The following TMEM106B variants were observed in gnomAD, a reference collection of about 807,000 sequenced individuals.
The protein encoded by TMEM106B is transmembrane protein 106B.
TMEM106B carries 15 observed loss-of-function variants against 31.1 expected under a neutral mutation model. The observed-to-expected ratio is 0.48, with a 90% CI of 0.32 to 0.74. The LOEUF (loss-of-function observed/expected upper bound fraction) is 0.74, where lower values mean the gene tolerates loss of function less well. Among genes scored for constraint, TMEM106B ranks in the 30% least tolerant of loss-of-function variants. The probability of loss-of-function intolerance (pLI) is 0.03; values close to 1 mark genes in which losing one functional copy is unlikely to be tolerated. For synonymous variants in TMEM106B, 126 were observed against 112.5 expected (o/e 1.12, Z -0.76); for missense variants, 283 against 327.3 (o/e 0.86, Z 1.04).
rs1480577746 is a variant in TMEM106B at position 12,231,109 on chromosome 7, T to C, written c.680T>C (p.Met227Thr). 3 of 1,599,826 alleles carry C rather than the reference T, an allele frequency of 1.9e-6. No individual in the cohort carries two copies. Among genetic ancestry groups the C allele is most frequent in the South Asian group, 1.1e-5 (1 of 89,080 alleles). Residue 227 changes from methionine (M) to threonine (T), a missense_variant, in exon 7 of 8, where the codon ATG (methionine) becomes ACG (threonine). By Grantham distance (81) the Met-to-Thr change is moderately conservative. This residue lies in a region of TMEM106B where 201 missense variants were observed against 211.5 expected (regional missense o/e 0.95). Transcript: ENST00000396668. ...ISIKVHNIVL[M>T]MQVTVTTTYF... ...ATCAAAGTGCATAACATAGTACTCA[T>C]GATGCAGTAAGTACAAATCTTTTTT...
chr7:12,226,908 C>CT (rs962574573), intron 4 of TMEM106B, among the ~76,000 whole-genome samples: 30 of 133,738 alleles, frequency 2.2e-4, no homozygotes, highest in African/African-American at 7.0e-4. Context: ...AACATATTTT[C>CT]TTTTTTATAC....
chr7:12,229,884 C>G lies in TMEM106B; in HGVS notation c.582+65C>G, dbSNP rs1781981859. The G allele has an allele frequency of 4.0e-6, 6 of 1,493,366 alleles. No individual in the cohort carries two copies. In the South Asian group the frequency reaches 6.6e-5, roughly 16 times the overall value. The allele number at this position is 1,493,366 out of a possible 1,614,324, so 92.5% of individuals were successfully genotyped here. On this transcript the variant is annotated intron_variant, in intron 5 of 7. Transcript: ENST00000396668. Reference sequence around the variant, plus strand: ...AATGTCAGCTTTGTATATCATATAACTTGAAGGAGGTGGGGGATTTCCTCA... The same window carrying G: ...AATGTCAGCTTTGTATATCATATAAGTTGAAGGAGGTGGGGGATTTCCTCA...
intron 4 of TMEM106B, 67 bp downstream of exon 4, chr7:12,224,452 C>T: frequency 1.5e-6 from 2 of 1,346,516 alleles, no homozygotes; most frequent in African/African-American, 1.5e-5. Context: ...GCACCTTTGT[C>T]CCCATTGAGA....
In TMEM106B at chr7:12,241,710, A is replaced by T. The variant is rs1482236134; in HGVS notation, c.*9735A>T. Reference sequence around the variant, plus strand: ...TATTGTGAACAGTGCTGCAATAAACATATGTGTGTATGTGTCTTTACAGTA... The same window carrying T: ...TATTGTGAACAGTGCTGCAATAAACTTATGTGTGTATGTGTCTTTACAGTA... On this transcript the variant is annotated 3_prime_UTR_variant, in exon 8 of 8. Transcript: ENST00000396668. 1 of 152,230 alleles carries T rather than the reference A, an allele frequency of 6.6e-6. No homozygotes were observed. Among genetic ancestry groups the T allele is most frequent in the Non-Finnish European group, 1.5e-5 (1 of 68,054 alleles). The allele number at this position is 152,230 out of a possible 1,614,324, so 9.4% of individuals were successfully genotyped here.
intron 2 of TMEM106B, among the ~76,000 whole-genome samples, chr7:12,217,088 CTG>C (rs903769001): frequency 6.6e-6 from 1 of 151,756 alleles, no homozygotes; most frequent in Non-Finnish European, 1.5e-5. Context: ...TGAGAATTAT[CTG>C]TAGAGAAAAC....
intron 2 of TMEM106B, chr7:12,215,711 C>A (rs777939078): frequency 1.2e-5 from 3 of 244,006 alleles, no homozygotes; most frequent in South Asian, 9.4e-5. Flanking sequence ...AGCCACCACG[C>A]CTGGCCAACC....
intron 1 of TMEM106B, among the ~76,000 whole-genome samples, chr7:12,213,238 T>C (rs1007731608): frequency 1.3e-5 from 2 of 151,544 alleles, no homozygotes; most frequent in Non-Finnish European, 2.9e-5. Context: ...ATTGGTAACT[T>C]ATATTTAATA....
At chr7:12,217,104 G>A (rs1781702904) in intron 2 of TMEM106B, among the ~76,000 whole-genome samples, 1 of 152,000 alleles carries the variant, frequency 6.6e-6, no homozygotes, top group African/African-American at 2.4e-5. Context: ...AGAAAACATT[G>A]GTAATTCGGG....
intron 4 of TMEM106B, among the ~76,000 whole-genome samples, chr7:12,229,224 A>C (rs528418293): frequency 1.3e-5 from 2 of 152,150 alleles, no homozygotes; most frequent in Non-Finnish European, 2.9e-5. Flanking sequence ...TTGTTACTTA[A>C]GCATGTGAAT....
Position 12,230,416 on chromosome 7 carries a change from G to A in TMEM106B, c.610G>A (p.Ala204Thr). ...TGATTACACAGTACCTACCGTTATA[G>A]CAGAGGAAATGAGTTATATGTAGTA... ...QIDYTVPTVI[A>T]EEMSYMYDFC... Residue 204 changes from alanine to threonine, a missense_variant, in exon 6 of 8, where the codon GCA becomes ACA. Coordinates refer to ENST00000396668, the MANE Select transcript of TMEM106B (RefSeq NM_001134232.2). 1 of 1,601,754 alleles carries A rather than the reference G, an allele frequency of 6.2e-7. No individual in the cohort carries two copies. Among genetic ancestry groups the A allele is most frequent in the Non-Finnish European group, 8.5e-7 (1 of 1,172,068 alleles).
At chr7:12,222,793 T>G (rs896586542) in intron 3 of TMEM106B, among the ~76,000 whole-genome samples, 2 of 152,208 alleles carry the variant, frequency 1.3e-5, no homozygotes, top group Non-Finnish European at 2.9e-5. Context: ...TGTATTATTT[T>G]GTTTTTTAAT....
At chr7:12,221,310 G>C (rs1781783970) in intron 3 of TMEM106B, among the ~76,000 whole-genome samples, 1 of 152,158 alleles carries the variant, frequency 6.6e-6, no homozygotes, top group South Asian at 2.1e-4. Context: ...AAATGGCAAA[G>C]AGAATCACAA....
In TMEM106B at chr7:12,235,171, C is replaced by CT. The variant is rs1395801634; in HGVS notation, c.*3199dup. 1 of 152,170 alleles carries CT rather than the reference C, an allele frequency of 6.6e-6. No homozygotes were observed. The highest frequency in any genetic ancestry group is 6.6e-5 in the Admixed American group (1 of 15,220). 9.4% of individuals were successfully genotyped at this position (152,170 alleles called of 1,614,324 possible). A position where few individuals can be genotyped will look rare whatever the true frequency, so the allele number is the denominator to read the frequency against. ...CTTATAAAATGCTTTGGAACATAATCTTTAGCTTAATTTTCTGTTAAAATT... is the reference window on the plus strand; with the variant it reads ...CTTATAAAATGCTTTGGAACATAATCTTTTAGCTTAATTTTCTGTTAAAATT... On this transcript the variant is annotated 3_prime_UTR_variant, in exon 8 of 8. Transcript: ENST00000396668.
chr7:12,232,073 A>G lies in TMEM106B; in HGVS notation c.*98A>G, dbSNP rs895993877. On this transcript the variant is annotated 3_prime_UTR_variant, in exon 8 of 8. Transcript: ENST00000396668. ...CTAATAGGAGACCTTAAATTGAACA[A>G]ACCTAAAGTTTACACTTCTAAGAGT... is the stretch of plus-strand genomic sequence containing the variant. 2.5e-5 allele frequency: 30 copies of G among 1,206,052 alleles called. No homozygotes were observed. The African/African-American group carries it at 4.1e-4, about 17-fold the overall frequency. 74.7% of individuals were successfully genotyped at this position (1,206,052 alleles called of 1,614,324 possible). A position where few individuals can be genotyped will look rare whatever the true frequency, so the allele number is the denominator to read the frequency against.
chr7:12,215,524 A>G (rs1405470269), intron 2 of TMEM106B: 1 of 211,994 alleles, frequency 4.7e-6, no homozygotes, highest in East Asian at 1.4e-4. Flanking sequence ...GCAGTAAGCC[A>G]CCATGCCCAG....
At position 12,242,654 on chromosome 7, in the gene TMEM106B, A is replaced by G. The variant is rs1159128809; in HGVS notation, c.*10679A>G. ...ACTTGTGTATTTTTCAAGTTAAAGG[A>G]TTTCCTAAAAATGCTTATTTGAATA... On this transcript the variant is annotated 3_prime_UTR_variant, in exon 8 of 8. Coordinates refer to ENST00000396668, the MANE Select transcript of TMEM106B (RefSeq NM_001134232.2). 1 of 152,090 alleles carries G rather than the reference A, an allele frequency of 6.6e-6. No individual in the cohort carries two copies. Among genetic ancestry groups the G allele is most frequent in the African/African-American group, 2.4e-5 (1 of 41,438 alleles). 9.4% of individuals were successfully genotyped at this position (152,090 alleles called of 1,614,324 possible).
rs1781976761 is a variant in TMEM106B, at chr7:12,229,696, A to G, written c.459A>G (p.Thr153=). The G allele has an allele frequency of 6.2e-7, 1 of 1,600,638 alleles. No homozygotes were observed. Among genetic ancestry groups the G allele is most frequent in the Non-Finnish European group, 8.5e-7 (1 of 1,176,122 alleles). Residue 153 remains threonine (T), a synonymous_variant, in exon 5 of 8, where the codon ACA becomes ACG. Transcript: ENST00000396668. ...TTTTGTAGAACACACTAAATATAAC[A>G]AACAATAACTATTACTCTGTCGAAG... ...YLNITNTLNI[T]NNNYYSVEVE... is the part of the protein sequence containing the mutation.
In TMEM106B at chr7:12,233,947, A is replaced by ACTACACATTTACTAAAATGTGTAAATT. The variant is rs1247943738; in HGVS notation, c.*1973_*1999dup. On this transcript the variant is annotated 3_prime_UTR_variant, in exon 8 of 8. Coordinates refer to ENST00000396668, the MANE Select transcript of TMEM106B (RefSeq NM_001134232.2). ...GTCTGCTTTCACATTTAGCTAGTGA[A>ACTACACATTTACTAAAATGTGTAAATT]CTACACATTTACTAAAATGTGTAAA... is the stretch of plus-strand genomic sequence containing the variant. 5.9e-5 allele frequency: 9 copies of ACTACACATTTACTAAAATGTGTAAATT among 151,818 alleles called. No homozygotes were observed. The highest frequency in any genetic ancestry group is 5.9e-4 in the Admixed American group (9 of 15,236). The allele number at this position is 151,818 out of a possible 1,614,324, so 9.4% of individuals were successfully genotyped here.
intron 7 of TMEM106B, chr7:12,231,400 C>T (rs986170779): frequency 3.2e-6 from 1 of 314,336 alleles, no homozygotes; most frequent in South Asian, 6.6e-5. Context: ...TTCCTTACTC[C>T]CTTGACAAAT....
Sources: allele counts gnomAD v4.1 joint callset (sites outside exome capture counted in the v4.1 genomes callset), GRCh38; gene constraint gnomAD v4.1.1; regional missense constraint gnomAD v4.1.1; transcripts MANE v1.5; gene names NCBI Gene and HGNC (gene_info 2026-07-23, HGNC 2026-07-21).